Variants in LARGE1 observed in about 807,000 individuals in gnomAD.
LARGE1 encodes the protein xylosyl- and glucuronyltransferase LARGE1.
A neutral mutation model predicts 87.6 loss-of-function variants in LARGE1; 43 were observed. The observed-to-expected ratio is 0.49, with a 90% CI of 0.38 to 0.63. The LOEUF (loss-of-function observed/expected upper bound fraction) is 0.63, where lower values mean the gene tolerates loss of function less well. LARGE1 is among the 30% of genes least tolerant of loss of function. The probability of loss-of-function intolerance (pLI) is 0.00; values close to 1 mark genes in which losing one functional copy is unlikely to be tolerated. For missense variants in LARGE1, 802 were observed against 1,000.2 expected (o/e 0.80, Z 2.67); for synonymous variants, 434 against 394.6 (o/e 1.10, Z -1.18).
At chr22:33,266,749 T>C (rs936918071) in intron 11 of LARGE1, among the ~76,000 whole-genome samples, 1 of 151,630 alleles carries the variant, frequency 6.6e-6, no homozygotes, top group Non-Finnish European at 1.5e-5. Flanking sequence ...GGGAACATCA[T>C]ATGAGGCCAA....
At chr22:33,589,842 T>C (rs1365835933) in intron 5 of LARGE1, among the ~76,000 whole-genome samples, 1 of 152,216 alleles carries the variant, frequency 6.6e-6, no homozygotes, top group Non-Finnish European at 1.5e-5. Flanking sequence ...TTAGGAAGAA[T>C]CTTTACCCTC....
chr22:33,104,717 C>T, the LARGE1 span, among the ~76,000 whole-genome samples: 1 of 152,194 alleles, frequency 6.6e-6, no homozygotes, highest in African/African-American at 2.4e-5. Context: ...CATCTGCAGG[C>T]ATTTGCAGAG....
At chr22:33,523,535 T>G (rs1368088810) in intron 6 of LARGE1, among the ~76,000 whole-genome samples, 1 of 152,216 alleles carries the variant, frequency 6.6e-6, no homozygotes, top group Non-Finnish European at 1.5e-5. Flanking sequence ...GCAAACATTT[T>G]CCTCTTGGAA....
At chr22:33,331,540 T>A (rs1371276814) in intron 10 of LARGE1, among the ~76,000 whole-genome samples, 1 of 152,012 alleles carries the variant, frequency 6.6e-6, no homozygotes, top group Non-Finnish European at 1.5e-5. Context: ...CCCGAGTACC[T>A]GGGATTACAG....
chr22:33,424,825 CAG>C (rs2066819883), intron 7 of LARGE1, among the ~76,000 whole-genome samples: 1 of 151,942 alleles, frequency 6.6e-6, no homozygotes, highest in African/African-American at 2.4e-5. Context: ...GCCTGACTGA[CAG>C]AGCAAGACCC....
the LARGE1 span, among the ~76,000 whole-genome samples, chr22:33,120,910 A>G: frequency 6.6e-6 from 1 of 152,094 alleles, no homozygotes; most frequent in African/African-American, 2.4e-5. Flanking sequence ...CTTTGAGGTC[A>G]GACCTGCTAG....
At chr22:33,767,561 G>T (rs1389378557) in intron 1 of LARGE1, among the ~76,000 whole-genome samples, 1 of 151,726 alleles carries the variant, frequency 6.6e-6, no homozygotes, top group African/African-American at 2.4e-5. Context: ...CTCCAGGGGT[G>T]GCTAGTTACC....
the LARGE1 span, among the ~76,000 whole-genome samples, chr22:33,083,431 T>C: frequency 6.6e-6 from 1 of 152,202 alleles, no homozygotes. Flanking sequence ...TAGATTACAA[T>C]ACTACACATT....
intron 2 of LARGE1, among the ~76,000 whole-genome samples, chr22:33,729,969 T>TGTGCGTGTGTGC (rs2083402966): frequency 6.6e-6 from 1 of 152,088 alleles, no homozygotes; most frequent in Non-Finnish European, 1.5e-5. Flanking sequence ...GAAGTGTGTG[T>TGTGCGTGTGTGC]GTGCGTGTGT....
At chr22:33,683,190 T>C (rs5754639) in intron 2 of LARGE1, among the ~76,000 whole-genome samples, 23,771 of 152,172 alleles carry the variant, frequency 0.16, 2,071 homozygotes, top group East Asian at 0.27. Context: ...CTGGATGAGA[T>C]TAACATTTGA....
At chr22:33,188,843 C>G (rs1264786206) in intron 11 of LARGE1, among the ~76,000 whole-genome samples, 1 of 152,120 alleles carries the variant, frequency 6.6e-6, no homozygotes, top group Non-Finnish European at 1.5e-5. Flanking sequence ...TTCTTGACTT[C>G]CAGGAAGGCA....
At chr22:33,152,786 C>T in the LARGE1 span, among the ~76,000 whole-genome samples, 1 of 152,082 alleles carries the variant, frequency 6.6e-6, no homozygotes, top group African/African-American at 2.4e-5. Flanking sequence ...ATAAATATGG[C>T]TTTCATATTA....
Position 33,387,140 on chromosome 22 carries a change from G to T in LARGE1, c.893-2836C>A, listed in dbSNP as rs1036714789. Among the ~76,000 whole-genome samples, 3 of 144,214 alleles carry T rather than the reference G, an allele frequency of 2.1e-5. 1 individual carries two copies. The highest frequency in any genetic ancestry group is 4.6e-5 in the Non-Finnish European group (3 of 65,216). The allele number at this position is 144,214 out of a possible 152,430, so 94.6% of individuals were successfully genotyped here. ...AACAAAAAACAAAAAACAAAAAAAGGGCGGGCAGGTGTGGTGGCTCATGCC... is the reference window on the plus strand; with the variant it reads ...AACAAAAAACAAAAAACAAAAAAAGTGCGGGCAGGTGTGGTGGCTCATGCC... On this transcript the variant is annotated intron_variant, in intron 7 of 14. Transcript: ENST00000397394.
rs67771177 is a variant in LARGE1 at position 33,854,212 on chromosome 22, GAAAAAAAAAAAA to G, written c.-83+65771_-83+65782del. Among the ~76,000 whole-genome samples the G allele has an allele frequency of 7.1e-3, 519 of 72,730 alleles. 7 individuals are homozygous for G. Among genetic ancestry groups the G allele is most frequent in the African/African-American group, 0.024 (468 of 19,748 alleles). 47.7% of individuals were successfully genotyped at this position (72,730 alleles called of 152,430 possible). A position where few individuals can be genotyped will look rare whatever the true frequency, so the allele number is the denominator to read the frequency against. ...ATGTAATTATAAATGCACTTAAGGG[GAAAAAAAAAAAA>G]AAAAAAAAAAAAAAGAAAGGACCTT... On this transcript the variant is annotated intron_variant, in intron 1 of 14. Coordinates refer to ENST00000397394, the MANE Select transcript of LARGE1 (RefSeq NM_133642.5).
chr22:33,226,288 C>A (rs892592811), intron 11 of LARGE1, among the ~76,000 whole-genome samples: 1 of 152,244 alleles, frequency 6.6e-6, no homozygotes, highest in Non-Finnish European at 1.5e-5. Flanking sequence ...CCTCTCAGGG[C>A]CACTTTGCAC....
rs372759052 is a variant in LARGE1 at position 33,435,989 on chromosome 22, C to T, written c.788-3724G>A. ...TGATCAAAACAGTAGTAAGGGTAAG[C>T]GATGTTGCTTAGCCTCTCAACGGTG... On this transcript the variant is annotated intron_variant, in intron 6 of 14. Transcript: ENST00000397394. 2.0e-5 allele frequency among the ~76,000 whole-genome samples: 3 copies of T among 152,260 alleles called. No individual in the cohort carries two copies. In the East Asian group the frequency reaches 5.8e-4, roughly 29 times the overall value.
At chr22:33,713,977 A>AACGTAACGTAACG (rs1569397488) in intron 2 of LARGE1, among the ~76,000 whole-genome samples, 1 of 111,354 alleles carries the variant, frequency 9.0e-6, no homozygotes, top group Non-Finnish European at 2.0e-5. Flanking sequence ...ATAACGTAAC[A>AACGTAACGTAACG]TAACGTAACA....
intron 11 of LARGE1, among the ~76,000 whole-genome samples, chr22:33,259,924 C>T (rs1187795027): frequency 6.6e-6 from 1 of 152,172 alleles, no homozygotes; most frequent in Non-Finnish European, 1.5e-5. Flanking sequence ...ACTGGCCCTC[C>T]CAGGTCTGGC....
the LARGE1 span, among the ~76,000 whole-genome samples, chr22:33,107,288 AT>A: frequency 0.23 from 34,278 of 152,206 alleles, 4,511 homozygotes; most frequent in Non-Finnish European, 0.3. Context: ...ATCACACTGC[AT>A]GCAATGGCTC....
Sources: gnomAD v4.1 joint callset for allele counts (sites outside exome capture counted in the v4.1 genomes callset) on GRCh38, gnomAD v4.1.1 for gene constraint, MANE v1.5 for transcripts, NCBI Gene and HGNC (gene_info 2026-07-23, HGNC 2026-07-21) for gene names.